The following UBE2E1 variants were observed in gnomAD, a reference collection of about 807,000 sequenced individuals.
UBE2E1 encodes ubiquitin-conjugating enzyme E2 E1.
A neutral mutation model predicts 21.4 loss-of-function variants in UBE2E1; 6 were observed. The ratio of observed to expected loss-of-function variants is 0.28; its 90% CI spans 0.15 to 0.55. The LOEUF (loss-of-function observed/expected upper bound fraction) is 0.55, where lower values mean the gene tolerates loss of function less well. Ranked by LOEUF, UBE2E1 falls within the 20% of genes least tolerant of loss-of-function variation. The pLI is 0.93. For synonymous variants in UBE2E1, 87 were observed against 82.7 expected, an observed-to-expected ratio of 1.05 and a Z score of -0.28; for missense variants, 142 against 236.5, an observed-to-expected ratio of 0.60 and a Z score of 2.62.
chr3:23,817,403 CAG>C (rs1425669621), intron 3 of UBE2E1, among the ~76,000 whole-genome samples: 1 of 122,888 alleles, frequency 8.1e-6, no homozygotes, highest in Non-Finnish European at 1.6e-5. Flanking sequence ...GCCTGGTTGA[CAG>C]AGTGAGACTC....
intron 3 of UBE2E1, among the ~76,000 whole-genome samples, chr3:23,873,748 GA>G (rs914872447): frequency 1.3e-5 from 2 of 151,086 alleles, no homozygotes; most frequent in Non-Finnish European, 3.0e-5. Flanking sequence ...TCCGTCTCAA[GA>G]AAAAAAAATA....
At chr3:23,879,386 T>A in intron 3 of UBE2E1, 7 of 534,204 alleles carry the variant, frequency 1.3e-5, no homozygotes, top group Non-Finnish European at 2.6e-5. Context: ...CTGCAGCCTG[T>A]ATAAGACAGT....
chr3:23,868,511 A>G (rs1416874525), intron 3 of UBE2E1, among the ~76,000 whole-genome samples: 1 of 151,744 alleles, frequency 6.6e-6, no homozygotes, highest in Non-Finnish European at 1.5e-5. Context: ...GTTTCACCAT[A>G]TTGGCCAGGC....
intron 3 of UBE2E1, among the ~76,000 whole-genome samples, chr3:23,875,252 C>T (rs1429866157): frequency 1.3e-5 from 2 of 152,104 alleles, no homozygotes; most frequent in Admixed American, 6.5e-5. Flanking sequence ...AATTATTTTA[C>T]CTAATATGGA....
chr3:23,872,108 C>T (rs1037615126), intron 3 of UBE2E1, among the ~76,000 whole-genome samples: 2 of 152,172 alleles, frequency 1.3e-5, no homozygotes, highest in Non-Finnish European at 2.9e-5. Context: ...AACCAGACTC[C>T]GTCTGCAATC....
intron 5 of UBE2E1, 63 bp downstream of exon 5, chr3:23,889,322 A>G: frequency 6.2e-7 from 1 of 1,607,220 alleles, no homozygotes; most frequent in Non-Finnish European, 8.5e-7. Flanking sequence ...TTGTTTCCAA[A>G]AGCTTTCAAA....
At chr3:23,811,981 G>A (rs1235935740) in intron 3 of UBE2E1, among the ~76,000 whole-genome samples, 1 of 152,164 alleles carries the variant, frequency 6.6e-6, no homozygotes, top group Non-Finnish European at 1.5e-5. Flanking sequence ...TTTTGGCAGA[G>A]CAATTCAGGA....
rs911186425 is a variant in UBE2E1 at position 23,842,218 on chromosome 3, T to G, written c.203+30708T>G. On this transcript the variant is annotated intron_variant, in intron 3 of 5. Transcript: ENST00000306627. This position sits in a 1 kb window ranked among gnomAD's most constrained non-coding sequence, Gnocchi z 4.6. ...GAAGGGGTGTGTGTGTGTGTGTGTG[T>G]GTGTGTGTGTGTGTGTGTGTGTGTG... Among the ~76,000 whole-genome samples the G allele has an allele frequency of 1.1e-5, 1 of 90,054 alleles. No homozygotes were observed. Among genetic ancestry groups the G allele is most frequent in the African/African-American group, 4.4e-5 (1 of 22,800 alleles). The allele number at this position is 90,054 out of a possible 152,430, so 59.1% of individuals were successfully genotyped here. A position where few individuals can be genotyped will look rare whatever the true frequency, so the allele number is the denominator to read the frequency against.
At chr3:23,871,714 G>T (rs1041693994) in intron 3 of UBE2E1, among the ~76,000 whole-genome samples, 1 of 151,304 alleles carries the variant, frequency 6.6e-6, no homozygotes, top group African/African-American at 2.4e-5. Flanking sequence ...CCGGGTAGAG[G>T]TGCTCCTCAC....
chr3:23,844,446 A>G (rs1160360686), intron 3 of UBE2E1, among the ~76,000 whole-genome samples: 1 of 152,190 alleles, frequency 6.6e-6, no homozygotes, highest in East Asian at 1.9e-4. Context: ...TAGTATTCCA[A>G]GGGGTATACT....
rs1411197863 is a variant in UBE2E1 at position 23,842,768 on chromosome 3, A to G, written c.203+31258A>G. Among the ~76,000 whole-genome samples the G allele has an allele frequency of 6.6e-6, 1 of 152,222 alleles. No homozygotes were observed. The highest frequency in any genetic ancestry group is 1.5e-5 in the Non-Finnish European group (1 of 68,034). ...AAGTTTTTATACTTTTTGAGGGAAT[A>G]AAGATTTCTAATTGTACAACAGTAA... On this transcript the variant is annotated intron_variant, in intron 3 of 5. Transcript: ENST00000306627. The surrounding 1 kb of genome is among the most constrained non-coding windows in gnomAD (Gnocchi z 4.6).
chr3:23,851,367 CTA>C (rs1471650232), intron 3 of UBE2E1, among the ~76,000 whole-genome samples: 4 of 152,060 alleles, frequency 2.6e-5, no homozygotes, highest in Admixed American at 2.6e-4. Context: ...TTTGGCTATT[CTA>C]TGTTCCTTGC....
At chr3:23,884,222 T>G (rs1214609966) in intron 3 of UBE2E1, among the ~76,000 whole-genome samples, 2 of 79,452 alleles carry the variant, frequency 2.5e-5, no homozygotes, top group African/African-American at 1.5e-4. Context: ...AACACCTAAA[T>G]TGCAAACAGA....
chr3:23,812,935 T>A (rs1483680419), intron 3 of UBE2E1, among the ~76,000 whole-genome samples: 2 of 151,864 alleles, frequency 1.3e-5, no homozygotes, highest in East Asian at 3.9e-4. Context: ...TTCTTGTGAA[T>A]AAGCACAGTC....
In UBE2E1 at chr3:23,857,446, T is replaced by C. The variant is rs952149427; in HGVS notation, c.204-30121T>C. Reference sequence around the variant, plus strand: ...GAATTGAAGTTGAGGTAGCAAGGAATACCAAGACAACTGAGAAGTCCTTAT... The same window carrying C: ...GAATTGAAGTTGAGGTAGCAAGGAACACCAAGACAACTGAGAAGTCCTTAT... On this transcript the variant is annotated intron_variant, in intron 3 of 5. Coordinates refer to ENST00000306627, the MANE Select transcript of UBE2E1 (RefSeq NM_003341.5). Among the ~76,000 whole-genome samples the C allele has an allele frequency of 3.9e-5, 6 of 152,306 alleles. 1 individual carries two copies. Among genetic ancestry groups the C allele is most frequent in the Admixed American group, 6.5e-5 (1 of 15,296 alleles).
intron 3 of UBE2E1, among the ~76,000 whole-genome samples, chr3:23,868,732 T>A (rs909584217): frequency 1.4e-4 from 21 of 152,046 alleles, no homozygotes; most frequent in African/African-American, 4.8e-4. Context: ...TTTTTTTTTT[T>A]AATCTCAATA....
chr3:23,846,940 A>G (rs1171007701), intron 3 of UBE2E1, among the ~76,000 whole-genome samples: 1 of 151,980 alleles, frequency 6.6e-6, no homozygotes, highest in Non-Finnish European at 1.5e-5. Context: ...TTCTAAGGGC[A>G]GGGGCCAGGT....
chr3:23,889,482 C>G (rs1452147158), intron 5 of UBE2E1: 8 of 1,383,558 alleles, frequency 5.8e-6, no homozygotes, highest in African/African-American at 1.5e-5. Flanking sequence ...AAACTGAAGA[C>G]TGACGTAAGT....
rs72627007 is a variant in UBE2E1 at position 23,834,932 on chromosome 3, T to C, written c.203+23422T>C. Reference sequence around the variant, plus strand: ...ATACTGAATTATGTTTTAAGACTTGTGGTATTCCCTGTAATGCATAAAAAG... The same window carrying C: ...ATACTGAATTATGTTTTAAGACTTGCGGTATTCCCTGTAATGCATAAAAAG... On this transcript the variant is annotated intron_variant, in intron 3 of 5. Coordinates refer to ENST00000306627, the MANE Select transcript of UBE2E1 (RefSeq NM_003341.5). 2.8e-3 allele frequency among the ~76,000 whole-genome samples: 434 copies of C among 152,344 alleles called. 10 individuals are homozygous for C. In the East Asian group the frequency reaches 0.044, roughly 15 times the overall value.
Sources: allele counts gnomAD v4.1 joint callset (sites outside exome capture counted in the v4.1 genomes callset), GRCh38; gene constraint gnomAD v4.1.1; non-coding constraint Gnocchi (gnomAD v3.1); transcripts MANE v1.5; gene names NCBI Gene and HGNC (gene_info 2026-07-23, HGNC 2026-07-21).